The following GPC5 variants were observed in gnomAD, a reference collection of about 807,000 sequenced individuals.
GPC5 encodes glypican-5.
In GPC5, 47 loss-of-function variants were observed where a neutral mutation model predicts 53.9. That is an observed-to-expected ratio of 0.87 (90% confidence interval 0.69 to 1.11). The LOEUF (loss-of-function observed/expected upper bound fraction) is 1.11. GPC5 is among the 50% of genes most tolerant of loss of function. The probability of loss-of-function intolerance (pLI) is 0.00; values close to 1 mark genes in which losing one functional copy is unlikely to be tolerated. For missense variants in GPC5, 748 were observed against 713.1 expected, an observed-to-expected ratio of 1.05 and a Z score of -0.56; for synonymous variants, 286 against 263.3, an observed-to-expected ratio of 1.09 and a Z score of -0.84.
chr13:91,930,660 T>C (rs1261328937), intron 6 of GPC5, among the ~76,000 whole-genome samples: 3 of 151,990 alleles, frequency 2.0e-5, no homozygotes, highest in South Asian at 2.1e-4. Flanking sequence ...GTCGGGACCA[T>C]ACAGCTACCA....
chr13:91,650,750 G>GTT (rs67507888), intron 2 of GPC5, among the ~76,000 whole-genome samples: 27 of 99,594 alleles, frequency 2.7e-4, no homozygotes, highest in South Asian at 7.7e-4. Flanking sequence ...ATTCCCATAA[G>GTT]TTTTTTTTTT....
intron 2 of GPC5, among the ~76,000 whole-genome samples, chr13:91,593,929 A>G (rs968730352): frequency 6.6e-6 from 1 of 152,104 alleles, no homozygotes; most frequent in Non-Finnish European, 1.5e-5. Flanking sequence ...AAAAAAAAGA[A>G]TGTTATTTGA....
chr13:91,919,207 A>G (rs2039687403), intron 6 of GPC5, among the ~76,000 whole-genome samples: 1 of 152,052 alleles, frequency 6.6e-6, no homozygotes, highest in Non-Finnish European at 1.5e-5. Flanking sequence ...CCTTTTCTCT[A>G]TTGCCACTGT....
At chr13:92,181,426 C>T (rs927988624) in intron 7 of GPC5, among the ~76,000 whole-genome samples, 2 of 152,248 alleles carry the variant, frequency 1.3e-5, no homozygotes, top group Admixed American at 1.3e-4. Flanking sequence ...AAATTTCCCT[C>T]TTGGTATGCT....
chr13:92,227,352 C>A (rs796309469), intron 7 of GPC5, among the ~76,000 whole-genome samples: 2 of 152,222 alleles, frequency 1.3e-5, no homozygotes, highest in East Asian at 3.9e-4. Context: ...GTGAATATTC[C>A]CCAGATAATC....
intron 7 of GPC5, among the ~76,000 whole-genome samples, chr13:92,545,873 C>G (rs1035609050): frequency 1.3e-5 from 2 of 152,112 alleles, no homozygotes; most frequent in Non-Finnish European, 2.9e-5. Context: ...TGTAGGTTGC[C>G]TGTTCACTCT....
intron 7 of GPC5, among the ~76,000 whole-genome samples, chr13:92,583,856 A>T (rs1883446541): frequency 1.3e-5 from 2 of 152,056 alleles, no homozygotes; most frequent in African/African-American, 4.8e-5. Flanking sequence ...TGTTCTCATG[A>T]TAGTAAGTCT....
intron 7 of GPC5, among the ~76,000 whole-genome samples, chr13:92,163,857 AG>A (rs2042008484): frequency 6.6e-6 from 1 of 152,212 alleles, no homozygotes; most frequent in Non-Finnish European, 1.5e-5. Context: ...TAAAGAAAAG[AG>A]GTTTAATTGA....
At chr13:91,729,863 C>T (rs919467534) in intron 4 of GPC5, among the ~76,000 whole-genome samples, 3 of 152,138 alleles carry the variant, frequency 2.0e-5, no homozygotes, top group Non-Finnish European at 4.4e-5. Flanking sequence ...AAACAAAACC[C>T]AACCTTTAAT....
At chr13:91,744,821 C>G (rs1445890365) in intron 4 of GPC5, among the ~76,000 whole-genome samples, 1 of 152,070 alleles carries the variant, frequency 6.6e-6, no homozygotes, top group Non-Finnish European at 1.5e-5. Flanking sequence ...ACCTAAAATA[C>G]TGAATCTCAA....
At chr13:92,521,838 G>A (rs1566273619) in intron 7 of GPC5, among the ~76,000 whole-genome samples, 2 of 152,062 alleles carry the variant, frequency 1.3e-5, no homozygotes, top group Admixed American at 6.6e-5. Context: ...GAGTGAACAG[G>A]CAACTTACAG....
intron 2 of GPC5, among the ~76,000 whole-genome samples, chr13:91,574,725 G>C (rs937386527): frequency 6.6e-6 from 1 of 152,020 alleles, no homozygotes; most frequent in South Asian, 2.1e-4. Flanking sequence ...AAAGTAAAGG[G>C]ATTTTTCCCT....
chr13:92,756,164 G>T (rs1411390163), intron 7 of GPC5, among the ~76,000 whole-genome samples: 2 of 151,972 alleles, frequency 1.3e-5, no homozygotes, highest in Non-Finnish European at 2.9e-5. Context: ...TGGGATGCAA[G>T]GCTGGTTCAT....
intron 7 of GPC5, among the ~76,000 whole-genome samples, chr13:92,258,407 T>C (rs535292755): frequency 6.6e-6 from 1 of 152,334 alleles, no homozygotes; most frequent in South Asian, 2.1e-4. Context: ...TACTATTTAA[T>C]GTAGCCTTTG....
chr13:92,585,789 A>T (rs1458894613), intron 7 of GPC5, among the ~76,000 whole-genome samples: 1 of 152,162 alleles, frequency 6.6e-6, no homozygotes, highest in African/African-American at 2.4e-5. Context: ...TGTTCTCATG[A>T]TAGTGAGTAA....
Position 91,848,903 on chromosome 13 carries a change from A to G in GPC5, c.1281-59034A>G, listed in dbSNP as rs545138558. ...TCAGATATTCCTGAAAGTATATTTTATGCAGTATGGTTATTTCTGAAACTT... is the reference window on the plus strand; with the variant it reads ...TCAGATATTCCTGAAAGTATATTTTGTGCAGTATGGTTATTTCTGAAACTT... On this transcript the variant is annotated intron_variant, in intron 5 of 7. Transcript: ENST00000377067. Among the ~76,000 whole-genome samples, 11 of 152,346 alleles carry G rather than the reference A, an allele frequency of 7.2e-5. No homozygotes were observed. In the South Asian group the frequency reaches 2.1e-3, roughly 29 times the overall value.
At chr13:91,820,206 G>C (rs1331193987) in intron 5 of GPC5, among the ~76,000 whole-genome samples, 1 of 151,952 alleles carries the variant, frequency 6.6e-6, no homozygotes, top group Admixed American at 6.6e-5. Flanking sequence ...TTTTCGTGGT[G>C]TCTGTGATGC....
intron 2 of GPC5, among the ~76,000 whole-genome samples, chr13:91,496,969 C>T (rs1452769485): frequency 2.0e-5 from 3 of 152,002 alleles, no homozygotes; most frequent in Admixed American, 6.6e-5. Context: ...GAAAATCCCC[C>T]GTTACTGTCT....
At chr13:91,813,815 G>A (rs372204970) in intron 5 of GPC5, among the ~76,000 whole-genome samples, 1 of 151,116 alleles carries the variant, frequency 6.6e-6, no homozygotes, top group African/African-American at 2.4e-5. Context: ...TAAAGGCTTA[G>A]CTACTTAAGC....
Sources: gnomAD v4.1 joint callset for allele counts (sites outside exome capture counted in the v4.1 genomes callset) on GRCh38, gnomAD v4.1.1 for gene constraint, MANE v1.5 for transcripts, NCBI Gene and HGNC (gene_info 2026-07-23, HGNC 2026-07-21) for gene names.